Variants in FAM193A observed in about 807,000 individuals in gnomAD.
FAM193A encodes the protein protein FAM193A.
Under a neutral mutation model 126.5 loss-of-function variants are expected in FAM193A, and 22 were observed. The observed-to-expected ratio is 0.17, with a 90% confidence interval of 0.12 to 0.25. The LOEUF (loss-of-function observed/expected upper bound fraction) is 0.25. FAM193A is among the 10% of genes least tolerant of loss of function. The pLI is 1.00. For missense variants in FAM193A, 1,675 were observed against 1,672.8 expected, an observed-to-expected ratio of 1.00 and a Z score of -0.02; for synonymous variants, 761 against 646.8, an observed-to-expected ratio of 1.18 and a Z score of -2.68.
intron 20 of FAM193A, among the ~76,000 whole-genome samples, chr4:2,729,645 CGCCACCGGCAACTCAGGTACCT>C (rs1288772210): frequency 1.3e-5 from 2 of 152,152 alleles, no homozygotes; most frequent in Non-Finnish European, 2.9e-5. Flanking sequence ...CATACGGATT[CGCCACCGGCAACTCAGGTACCT>C]GCCACCGGCA....
chr4:2,597,525 A>G (rs538800840), intron 2 of FAM193A, among the ~76,000 whole-genome samples: 16 of 152,174 alleles, frequency 1.1e-4, no homozygotes, highest in South Asian at 1.0e-3. Flanking sequence ...GGAAGTGCCT[A>G]TGGTTCCCTG....
intron 10 of FAM193A, among the ~76,000 whole-genome samples, chr4:2,661,905 C>T (rs557318355): frequency 8.5e-5 from 13 of 152,204 alleles, no homozygotes; most frequent in East Asian, 3.9e-4. Context: ...AATTTCAGGC[C>T]GGGTGCAGTG....
chr4:2,663,430 A>G, intron 12 of FAM193A, 142 bp downstream of exon 12: 5 of 609,104 alleles, frequency 8.2e-6, no homozygotes, highest in Non-Finnish European at 1.3e-5. Flanking sequence ...GCATACTTAC[A>G]ATCTCCATTT....
At chr4:2,644,217 C>G (rs1455206517) in intron 6 of FAM193A, among the ~76,000 whole-genome samples, 1 of 152,100 alleles carries the variant, frequency 6.6e-6, no homozygotes, top group African/African-American at 2.4e-5. Context: ...TCCACAAACC[C>G]CCTCCCCCAC....
At chr4:2,725,229 T>C (rs1720594588) in intron 20 of FAM193A, among the ~76,000 whole-genome samples, 1 of 151,798 alleles carries the variant, frequency 6.6e-6, no homozygotes, top group South Asian at 2.1e-4. Context: ...TGTATGTATA[T>C]ACACACACAT....
At chr4:2,727,722 G>A (rs1243288341) in intron 20 of FAM193A, among the ~76,000 whole-genome samples, 2 of 152,144 alleles carry the variant, frequency 1.3e-5, no homozygotes, top group Non-Finnish European at 2.9e-5. Context: ...TCCTTTGTTT[G>A]CCTAAAGGTA....
intron 1 of FAM193A, among the ~76,000 whole-genome samples, chr4:2,549,656 A>G (rs1048497209): frequency 2.6e-5 from 4 of 151,572 alleles, no homozygotes; most frequent in Non-Finnish European, 5.9e-5. Context: ...TCAGCCTCCC[A>G]AAGTGCTGGG....
At chr4:2,680,480 C>T (rs1714978900) in intron 13 of FAM193A, among the ~76,000 whole-genome samples, 1 of 152,006 alleles carries the variant, frequency 6.6e-6, no homozygotes, top group Non-Finnish European at 1.5e-5. Flanking sequence ...CCACCACTCC[C>T]AGCTAATTTT....
chr4:2,571,749 A>G (rs1318477370), intron 1 of FAM193A, among the ~76,000 whole-genome samples: 1 of 151,250 alleles, frequency 6.6e-6, no homozygotes, highest in Non-Finnish European at 1.5e-5. Flanking sequence ...CATGTTGGCC[A>G]GGCTGGTGTT....
At chr4:2,625,826 A>C (rs1281367389) in intron 3 of FAM193A, among the ~76,000 whole-genome samples, 1 of 150,390 alleles carries the variant, frequency 6.6e-6, no homozygotes, top group East Asian at 2.0e-4. Flanking sequence ...TTCCAGGCTC[A>C]AGTGATCCTC....
Position 2,700,412 on chromosome 4 carries a change from A to G in FAM193A, c.4240A>G (p.Thr1414Ala), listed in dbSNP as rs141086155. ...NHIKDEKSNP[T>A]PMEPTSPGEH... is the part of the protein sequence containing the mutation. Reference sequence around the variant, plus strand: ...CATCAAGGACGAAAAGTCAAACCCAACCCCTATGGAGCCCACCTCTCCCGG... The same window carrying G: ...CATCAAGGACGAAAAGTCAAACCCAGCCCCTATGGAGCCCACCTCTCCCGG... Residue 1414 changes from threonine to alanine, a missense_variant, in exon 19 of 21, where the codon ACC becomes GCC. Thr to Ala is a moderately conservative substitution (Grantham distance 58). Transcript: ENST00000637812. The G allele has an allele frequency of 4.3e-6, 7 of 1,613,914 alleles. No homozygotes were observed. In the African/African-American group the frequency reaches 6.7e-5, roughly 15 times the overall value.
At position 2,626,463 on chromosome 4, in the gene FAM193A, C is replaced by T. The variant is rs1264777093; in HGVS notation, c.689C>T (p.Ser230Leu). The T allele has an allele frequency of 1.4e-6, 1 of 701,934 alleles. No homozygotes were observed. The highest frequency in any genetic ancestry group is 2.6e-6 in the Non-Finnish European group (1 of 384,212). 43.5% of individuals were successfully genotyped at this position (701,934 alleles called of 1,614,324 possible). The change falls in exon 4 of 21, where the codon TCA (serine) becomes TTA (leucine). Residue 230 changes from serine to leucine, a missense_variant. Transcript: ENST00000637812. ...CCTCAGCAGCTGCAGAACTACTGGT[C>T]AGAAGTGCGCTACACGGTGCGCTGC... ...REPQQLQNYW[S>L]EVRYTVRCIY...
intron 2 of FAM193A, among the ~76,000 whole-genome samples, chr4:2,597,071 C>T (rs1740904927): frequency 6.6e-6 from 1 of 152,144 alleles, no homozygotes; most frequent in Non-Finnish European, 1.5e-5. Context: ...ATCTGAAGAG[C>T]GCATCCCCAC....
At chr4:2,710,500 CTTTT>C (rs1560601227) in intron 19 of FAM193A, among the ~76,000 whole-genome samples, 1 of 149,396 alleles carries the variant, frequency 6.7e-6, no homozygotes, top group Non-Finnish European at 1.5e-5. Flanking sequence ...TCCTTTCTTT[CTTTT>C]TTATTTTTTA....
At chr4:2,647,072 C>T (rs1343879992) in intron 7 of FAM193A, among the ~76,000 whole-genome samples, 1 of 152,212 alleles carries the variant, frequency 6.6e-6, no homozygotes, top group Non-Finnish European at 1.5e-5. Flanking sequence ...AGCAGTTGGT[C>T]AAGTTTTCCT....
chr4:2,648,211 A>G (rs1008463499), intron 7 of FAM193A, among the ~76,000 whole-genome samples: 2 of 152,274 alleles, frequency 1.3e-5, no homozygotes, highest in Non-Finnish European at 1.5e-5. Flanking sequence ...TTGAACCTGC[A>G]TCAGCTTCAG....
chr4:2,596,717 A>G (rs1740886529), intron 2 of FAM193A, among the ~76,000 whole-genome samples: 1 of 151,902 alleles, frequency 6.6e-6, no homozygotes, highest in African/African-American at 2.4e-5. Context: ...CTTCCCTTTT[A>G]CTTATTTGTG....
chr4:2,579,932 A>G (rs1201901274), intron 1 of FAM193A, among the ~76,000 whole-genome samples: 1 of 152,216 alleles, frequency 6.6e-6, no homozygotes, highest in East Asian at 1.9e-4. Context: ...TACTGGGTAT[A>G]TACTCAAAGG....
At chr4:2,702,374 C>G (rs1436758433) in intron 19 of FAM193A, among the ~76,000 whole-genome samples, 10 of 152,198 alleles carry the variant, frequency 6.6e-5, no homozygotes, top group Non-Finnish European at 1.5e-4. Context: ...ATGCTCCGGG[C>G]TCATCTCGTG....
Sources: gnomAD v4.1 joint callset for allele counts (sites outside exome capture counted in the v4.1 genomes callset) on GRCh38, gnomAD v4.1.1 for gene constraint, MANE v1.5 for transcripts, NCBI Gene and HGNC (gene_info 2026-07-23, HGNC 2026-07-21) for gene names.